ADD1: variants seen among roughly 807,000 people sequenced by gnomAD.
ADD1 encodes the protein adducin 1, also known as alpha-adducin.
A neutral mutation model predicts 80.5 loss-of-function variants in ADD1; 24 were observed. That is an observed-to-expected ratio of 0.30 (90% CI 0.22 to 0.42). The LOEUF is 0.42. ADD1 is among the 10% of genes least tolerant of loss of function. The probability of loss-of-function intolerance (pLI) is 1.00; values close to 1 mark genes in which losing one functional copy is unlikely to be tolerated. For missense variants in ADD1, 948 were observed against 1,019.0 expected (o/e 0.93, Z 0.95); for synonymous variants, 373 against 393.8 (o/e 0.95, Z 0.63).
chr4:2,884,606 A>C lies in ADD1; in HGVS notation c.450A>C (p.Ala150=). ...KGEKLLRCKL[A]AFYRLADLFG... is the part of the protein sequence containing the mutation. ...AGAAGTTATTACGGTGTAAATTGGCAGCGTTTTATAGACTAGCAGATCTCT... is the reference window on the plus strand; with the variant it reads ...AGAAGTTATTACGGTGTAAATTGGCCGCGTTTTATAGACTAGCAGATCTCT... Residue 150 remains alanine, a synonymous_variant, in exon 4 of 16, where the codon GCA becomes GCC. Transcript: ENST00000683351. The C allele has an allele frequency of 1.2e-6, 2 of 1,613,542 alleles. No individual in the cohort carries two copies. Among genetic ancestry groups the C allele is most frequent in the Non-Finnish European group, 1.7e-6 (2 of 1,179,656 alleles).
intron 9 of ADD1, 149 bp downstream of exon 9, chr4:2,899,584 C>A: frequency 3.6e-6 from 3 of 825,018 alleles, no homozygotes; most frequent in Non-Finnish European, 6.0e-6. Flanking sequence ...GGTTGTTTAA[C>A]TTCTGAGGTA....
At position 2,898,200 on chromosome 4, in the gene ADD1, G is replaced by A; in HGVS notation, c.758G>A (p.Cys253Tyr). The A allele has an allele frequency of 6.2e-7, 1 of 1,613,608 alleles. No individual in the cohort carries two copies. The highest frequency in any genetic ancestry group is 8.5e-7 in the Non-Finnish European group (1 of 1,179,738). Reference protein sequence around the residue: ...PAGAAVSAMKCGLLPISPEAL... With the variant: ...PAGAAVSAMKYGLLPISPEAL... The stretch of plus-strand genomic sequence containing the variant: ...GGTCTCTAGGTCTCTGCAATGAAAT[G>A]TGGCCTCTTGCCAATCTCCCCGGAG... Residue 253 changes from cysteine (C) to tyrosine (Y), a missense_variant, in exon 7 of 16, where the codon TGT (cysteine) becomes TAT (tyrosine). Physicochemically the swap from Cys to Tyr is radical, Grantham distance 194 (BLOSUM62 -2). Coordinates refer to ENST00000683351, the MANE Select transcript of ADD1 (RefSeq NM_001354761.2).
chr4:2,912,106 G>A (rs1372404327), intron 13 of ADD1, among the ~76,000 whole-genome samples: 5 of 152,344 alleles, frequency 3.3e-5, no homozygotes, highest in African/African-American at 7.2e-5. Context: ...GCACAGCCTC[G>A]GGTGGAGCTC....
chr4:2,923,221 G>A (rs962235708), intron 14 of ADD1, among the ~76,000 whole-genome samples: 2 of 152,226 alleles, frequency 1.3e-5, no homozygotes, highest in Admixed American at 6.5e-5. Context: ...AGTGTCTGCC[G>A]AAACGGCTGC....
Position 2,926,383 on chromosome 4 carries a change from G to A in ADD1, c.2047+271G>A, listed in dbSNP as rs531461852. On this transcript the variant is annotated intron_variant, in intron 15 of 15. Transcript: ENST00000683351. This position sits in a 1 kb window ranked among gnomAD's most constrained non-coding sequence, Gnocchi z 5.0. ...CTGGTGTCCACGTTGCCCATTGCTC[G>A]CACACTCCTCGTGCCGTGTTGTCAT... 2.1e-5 allele frequency: 15 copies of A among 701,250 alleles called. No individual in the cohort carries two copies. The highest frequency in any genetic ancestry group is 2.9e-5 in the Non-Finnish European group (11 of 385,930). The allele number at this position is 701,250 out of a possible 1,614,324, so 43.4% of individuals were successfully genotyped here.
At chr4:2,905,916 C>T (rs1356439699) in intron 10 of ADD1, among the ~76,000 whole-genome samples, 2 of 152,190 alleles carry the variant, frequency 1.3e-5, no homozygotes, top group African/African-American at 4.8e-5. Flanking sequence ...TAACAGTCCA[C>T]CCAGCTCTGC....
chr4:2,896,182 C>T (rs943884928), intron 6 of ADD1, among the ~76,000 whole-genome samples: 7 of 151,638 alleles, frequency 4.6e-5, no homozygotes, highest in African/African-American at 7.3e-5. Flanking sequence ...CCACTGCACC[C>T]GGCCCAGTAA....
rs371777920 is a variant in ADD1, at chr4:2,905,134, G to C, written c.1506+26G>C. 15 of 1,607,496 alleles carry C rather than the reference G, an allele frequency of 9.3e-6. No homozygotes were observed. In the African/African-American group the frequency reaches 1.5e-4, roughly 16 times the overall value. On this transcript the variant is annotated intron_variant, in intron 10 of 15. Transcript: ENST00000683351. ...GTCTGTGCCTACCTTACTGTTCATA[G>C]TTAGATGACGTAGAGCAAGTTGGGT...
At position 2,905,125 on chromosome 4, in the gene ADD1, C is replaced by T. The variant is rs751893348; in HGVS notation, c.1506+17C>T. On this transcript the variant is annotated intron_variant, in intron 10 of 15. Coordinates refer to ENST00000683351, the MANE Select transcript of ADD1 (RefSeq NM_001354761.2). ...AACTGCTTGGTCTGTGCCTACCTTA[C>T]TGTTCATAGTTAGATGACGTAGAGC... 6.8e-6 allele frequency: 11 copies of T among 1,612,622 alleles called. No individual in the cohort carries two copies. Among genetic ancestry groups the T allele is most frequent in the Middle Eastern group, 1.6e-4 (1 of 6,072 alleles).
At chr4:2,879,270 C>G (rs1224781555) in intron 2 of ADD1, among the ~76,000 whole-genome samples, 1 of 152,286 alleles carries the variant, frequency 6.6e-6, no homozygotes, top group Admixed American at 6.5e-5. Context: ...TGCCACGTGT[C>G]CTTTCTGCAC....
intron 4 of ADD1, among the ~76,000 whole-genome samples, chr4:2,893,036 C>T (rs1259000101): frequency 5.3e-5 from 8 of 152,064 alleles, no homozygotes; most frequent in Non-Finnish European, 1.2e-4. Context: ...CGTGCCTCAG[C>T]CACCTGAGTG....
intron 2 of ADD1, among the ~76,000 whole-genome samples, chr4:2,879,009 G>A (rs1731799515): frequency 6.6e-6 from 1 of 152,252 alleles, no homozygotes; most frequent in South Asian, 2.1e-4. Context: ...TACTAGGAAT[G>A]AGCAGGTGTA....
chr4:2,859,290 A>G (rs533456286), intron 1 of ADD1, among the ~76,000 whole-genome samples: 1 of 152,366 alleles, frequency 6.6e-6, no homozygotes, highest in South Asian at 2.1e-4. Flanking sequence ...AAGAAATCAC[A>G]AAGGAAAAGG....
intron 13 of ADD1, among the ~76,000 whole-genome samples, chr4:2,912,438 G>C (rs143437433): frequency 2.6e-5 from 4 of 152,372 alleles, no homozygotes; most frequent in African/African-American, 7.2e-5. Context: ...GGCTTCAGCT[G>C]TCTCAGTATG....
At chr4:2,899,200 A>G (rs757683315) in intron 8 of ADD1, 59 bp from the exon 9 acceptor site, 10 of 1,516,558 alleles carry the variant, frequency 6.6e-6, no homozygotes, top group Non-Finnish European at 8.9e-6. Context: ...TATTCAAGTC[A>G]TCTGACCCTC....
Position 2,893,861 on chromosome 4 carries a change from A to G in ADD1, c.511-152A>G, listed in dbSNP as rs1734714587. ...TACAGTAGAATAATGGAAAGCTTCC[A>G]GTACCCCTTGGCTTCGTGACAGGCA... On this transcript the variant is annotated intron_variant, in intron 4 of 15. Transcript: ENST00000683351. 6.2e-6 allele frequency: 4 copies of G among 644,758 alleles called. No individual in the cohort carries two copies. In the Admixed American group the frequency reaches 1.0e-4, roughly 16 times the overall value. The allele number at this position is 644,758 out of a possible 1,614,324, so 39.9% of individuals were successfully genotyped here. A position where few individuals can be genotyped will look rare whatever the true frequency, so the allele number is the denominator to read the frequency against.
At position 2,929,359 on chromosome 4, in the gene ADD1, T is replaced by C. The variant is rs1388530303; in HGVS notation, c.*836T>C. 6.6e-6 allele frequency: 1 copy of C among 152,262 alleles called. No individual in the cohort carries two copies. The highest frequency in any genetic ancestry group is 2.4e-5 in the African/African-American group (1 of 41,454). The allele number at this position is 152,262 out of a possible 1,614,324, so 9.4% of individuals were successfully genotyped here. ...CCCACAGTAGAGCACTTTTCACTTA[T>C]TTGGGGGAGGCTTCAGGGGACTGTT... is the stretch of plus-strand genomic sequence containing the variant. On this transcript the variant is annotated 3_prime_UTR_variant, in exon 16 of 16. Transcript: ENST00000683351.
At chr4:2,889,856 T>C (rs746938985) in intron 4 of ADD1, among the ~76,000 whole-genome samples, 9 of 150,456 alleles carry the variant, frequency 6.0e-5, no homozygotes, top group Non-Finnish European at 1.0e-4. Flanking sequence ...AAGACAGTAA[T>C]AATAAAAGCC....
chr4:2,913,102 C>T (rs1348004745), intron 13 of ADD1, among the ~76,000 whole-genome samples: 1 of 152,224 alleles, frequency 6.6e-6, no homozygotes, highest in Non-Finnish European at 1.5e-5. Context: ...CCCGCCTCAG[C>T]TTCCCAAAGT....
Sources: allele counts gnomAD v4.1 joint callset (sites outside exome capture counted in the v4.1 genomes callset), GRCh38; gene constraint gnomAD v4.1.1; non-coding constraint Gnocchi (gnomAD v3.1); transcripts MANE v1.5; gene names NCBI Gene and HGNC (gene_info 2026-07-23, HGNC 2026-07-21).